Variants in DYM observed in about 807,000 individuals in gnomAD.
The protein encoded by DYM is dyggve-Melchior-Clausen syndrome protein.
Under a neutral mutation model 93.1 loss-of-function variants are expected in DYM, and 78 were observed. That is an observed-to-expected ratio of 0.84 (90% CI 0.70 to 1.01). The LOEUF is 1.01. Among genes scored for constraint, DYM ranks in the 50% least tolerant of loss-of-function variants. The pLI, the probability that DYM is intolerant of heterozygous loss-of-function variation, is 0.00. For synonymous variants in DYM, 321 were observed against 319.7 expected, an observed-to-expected ratio of 1.00 and a Z score of -0.04; for missense variants, 789 against 845.0, an observed-to-expected ratio of 0.93 and a Z score of 0.82.
Position 49,150,322 on chromosome 18 carries a change from C to T in DYM, c.1728+13363G>A, listed in dbSNP as rs192916897. ...AAATTCATATGCTGAAGGCCTAACC[C>T]CCCAGTGTAATGATATTTGGAGAGG... On this transcript the variant is annotated intron_variant, in intron 15 of 17. Transcript: ENST00000675505. Among the ~76,000 whole-genome samples the T allele has an allele frequency of 7.9e-5, 12 of 152,224 alleles. No individual in the cohort carries two copies. In the East Asian group the frequency reaches 2.3e-3, roughly 29 times the overall value.
At chr18:49,103,803 T>G (rs1201600189) in intron 16 of DYM, among the ~76,000 whole-genome samples, 1 of 152,122 alleles carries the variant, frequency 6.6e-6, no homozygotes, top group Non-Finnish European at 1.5e-5. Context: ...CATGCTGTTT[T>G]GGTTACTGTA....
intron 1 of DYM, among the ~76,000 whole-genome samples, chr18:49,452,448 T>G (rs1267961744): frequency 6.6e-6 from 1 of 152,076 alleles, no homozygotes; most frequent in African/African-American, 2.4e-5. Flanking sequence ...TACAGAGAGC[T>G]GATTGGTCTG....
chr18:49,377,748 C>T (rs2067650738), intron 5 of DYM, among the ~76,000 whole-genome samples: 1 of 152,140 alleles, frequency 6.6e-6, no homozygotes, highest in South Asian at 2.1e-4. Flanking sequence ...TATTTAGCAA[C>T]ACAGTTGAAA....
intron 15 of DYM, among the ~76,000 whole-genome samples, chr18:49,137,723 G>C (rs149800055): frequency 6.6e-6 from 1 of 152,148 alleles, no homozygotes; most frequent in Non-Finnish European, 1.5e-5. Context: ...CTTTCCCTAA[G>C]ATCCAAAGTC....
chr18:49,176,038 C>T (rs914697747), intron 14 of DYM, among the ~76,000 whole-genome samples: 1 of 151,828 alleles, frequency 6.6e-6, no homozygotes, highest in Non-Finnish European at 1.5e-5. Flanking sequence ...ATATGTAAAC[C>T]CAATAATAAC....
At chr18:49,415,903 G>A (rs1015993769) in intron 2 of DYM, among the ~76,000 whole-genome samples, 4 of 146,422 alleles carry the variant, frequency 2.7e-5, no homozygotes, top group African/African-American at 9.9e-5. Flanking sequence ...CTCCAGCCTG[G>A]GCAACAAGAG....
At position 49,379,719 on chromosome 18, in the gene DYM, A is replaced by C. The variant is rs770135743; in HGVS notation, c.233T>G (p.Ile78Ser). 25 of 1,613,436 alleles carry C rather than the reference A, an allele frequency of 1.5e-5. No homozygotes were observed. The highest frequency in any genetic ancestry group is 2.1e-5 in the Non-Finnish European group (25 of 1,179,550). ...NPRTGNLGAL[I>S]KVFLSRTKEL... is the part of the protein sequence containing the mutation. ...TTTGGTTCTAGAAAGGAAGACCTTA[A>C]TTAGTGCACCAAGATTTCCTGTTCG... Residue 78 changes from isoleucine (I) to serine (S), a missense_variant, in exon 4 of 18, where the codon ATT becomes AGT. Ile to Ser is a moderately radical substitution (Grantham distance 142). This residue lies in a region of DYM where 450 missense variants were observed against 436.2 expected (regional missense o/e 1.03). Coordinates refer to ENST00000675505, the MANE Select transcript of DYM (RefSeq NM_001353214.3).
Position 49,393,046 on chromosome 18 carries a change from AG to A in DYM, c.141-1402del, listed in dbSNP as rs1568368408. ...AGGAAGAAGGAGGAGGAGGAGGAGG[AG>A]GAGGGGAGGAGGGGAGGAGGAGGAG... On this transcript the variant is annotated intron_variant, in intron 2 of 17. Coordinates refer to ENST00000675505, the MANE Select transcript of DYM (RefSeq NM_001353214.3). Among the ~76,000 whole-genome samples, 3 of 85,996 alleles carry A rather than the reference AG, an allele frequency of 3.5e-5. No individual in the cohort carries two copies. In the South Asian group the frequency reaches 1.5e-3, roughly 43 times the overall value. The allele number at this position is 85,996 out of a possible 152,430, so 56.4% of individuals were successfully genotyped here.
intron 1 of DYM, among the ~76,000 whole-genome samples, chr18:49,453,386 T>C (rs1476544563): frequency 6.6e-6 from 1 of 152,182 alleles, no homozygotes; most frequent in African/African-American, 2.4e-5. Flanking sequence ...CTCTTTGCAA[T>C]AAATCTTGTT....
At chr18:49,192,091 G>A (rs897437285) in intron 14 of DYM, among the ~76,000 whole-genome samples, 11 of 143,842 alleles carry the variant, frequency 7.6e-5, no homozygotes, top group South Asian at 2.1e-4. Flanking sequence ...ACCATGCCTG[G>A]CTAATTTTTT....
chr18:49,233,356 CAA>C (rs33916448), intron 13 of DYM, among the ~76,000 whole-genome samples: 153 of 101,962 alleles, frequency 1.5e-3, no homozygotes, highest in African/African-American at 3.4e-3. Flanking sequence ...AAGATTCCAT[CAA>C]AAAAAAAAAA....
At chr18:49,369,044 C>G (rs926105669) in intron 5 of DYM, among the ~76,000 whole-genome samples, 1 of 152,252 alleles carries the variant, frequency 6.6e-6, no homozygotes. Flanking sequence ...GCCTGCCAAA[C>G]GGCGGTTCCC....
intron 8 of DYM, among the ~76,000 whole-genome samples, chr18:49,331,472 A>T (rs1283867802): frequency 6.6e-6 from 1 of 152,236 alleles, no homozygotes; most frequent in African/African-American, 2.4e-5. Context: ...AACTGCACCT[A>T]ATTAGTCACA....
At chr18:49,097,874 GCTCTCTCT>G (rs61301668) in intron 16 of DYM, among the ~76,000 whole-genome samples, 8,940 of 141,236 alleles carry the variant, frequency 0.063, 433 homozygotes, top group East Asian at 0.2. Context: ...CTTAATATTA[GCTCTCTCT>G]CTCTCTCTCT....
chr18:49,339,717 C>T lies in DYM; in HGVS notation c.495-5864G>A, dbSNP rs370223423. ...ACCTTGAGTCAGAGTCTTAAAGCTA[C>T]GGTATACTCAGATCTCTGACCCTAA... is the stretch of plus-strand genomic sequence containing the variant. On this transcript the variant is annotated intron_variant, in intron 6 of 17. Coordinates refer to ENST00000675505, the MANE Select transcript of DYM (RefSeq NM_001353214.3). 5.5e-4 allele frequency among the ~76,000 whole-genome samples: 84 copies of T among 152,256 alleles called. 2 individuals are homozygous for T. Among genetic ancestry groups the T allele is most frequent in the African/African-American group, 1.9e-3 (77 of 41,552 alleles).
At chr18:49,270,485 C>T (rs564463896) in intron 11 of DYM, among the ~76,000 whole-genome samples, 2 of 152,172 alleles carry the variant, frequency 1.3e-5, no homozygotes, top group Admixed American at 1.3e-4. Context: ...GGCATGAAGT[C>T]TAGAGATCTA....
At chr18:49,053,897 G>A (rs357895) in intron 17 of DYM, among the ~76,000 whole-genome samples, 71,614 of 152,044 alleles carry the variant, frequency 0.47, 19,007 homozygotes, top group Admixed American at 0.62. Flanking sequence ...AACAGGGTGC[G>A]TCAGTTAGCG....
intron 17 of DYM, among the ~76,000 whole-genome samples, chr18:49,072,651 G>A (rs1214522456): frequency 6.6e-6 from 1 of 152,264 alleles, no homozygotes; most frequent in East Asian, 1.9e-4. Flanking sequence ...ATAAATGAAT[G>A]GTCCACAGGG....
chr18:49,242,976 A>G (rs2094063654), intron 13 of DYM, among the ~76,000 whole-genome samples: 1 of 152,188 alleles, frequency 6.6e-6, no homozygotes, highest in Non-Finnish European at 1.5e-5. Flanking sequence ...CTGGGATTAC[A>G]GGCGTGAGCC....
Sources: gnomAD v4.1 joint callset for allele counts (sites outside exome capture counted in the v4.1 genomes callset) on GRCh38, gnomAD v4.1.1 for gene constraint, gnomAD v4.1.1 regional missense constraint, MANE v1.5 for transcripts, NCBI Gene and HGNC (gene_info 2026-07-23, HGNC 2026-07-21) for gene names.